Variants in SUGCT observed in about 807,000 individuals in gnomAD.
SUGCT encodes succinyl-CoA:glutarate CoA-transferase.
A neutral mutation model predicts 55.0 loss-of-function variants in SUGCT; 41 were observed. That is an observed-to-expected ratio of 0.74 (90% CI 0.58 to 0.97). SUGCT has a LOEUF of 0.97. Ranked by LOEUF, SUGCT falls within the 50% of genes least tolerant of loss-of-function variation. SUGCT has a pLI of 0.00. For missense variants in SUGCT, 568 were observed against 547.8 expected, an observed-to-expected ratio of 1.04 and a Z score of -0.37; for synonymous variants, 187 against 200.4, an observed-to-expected ratio of 0.93 and a Z score of 0.56.
chr7:40,763,327 A>G (rs1788630645), intron 13 of SUGCT, among the ~76,000 whole-genome samples: 1 of 152,186 alleles, frequency 6.6e-6, no homozygotes, highest in East Asian at 1.9e-4. Context: ...ACAGGTGAGC[A>G]AACTGAGCCT....
At chr7:40,677,358 C>T (rs1344935296) in intron 12 of SUGCT, among the ~76,000 whole-genome samples, 1 of 152,206 alleles carries the variant, frequency 6.6e-6, no homozygotes, top group Non-Finnish European at 1.5e-5. Flanking sequence ...TTTAATCACT[C>T]ACCAAAGTGG....
At chr7:40,880,200 T>A in the SUGCT span, among the ~76,000 whole-genome samples, 1 of 152,238 alleles carries the variant, frequency 6.6e-6, no homozygotes, top group Non-Finnish European at 1.5e-5. Context: ...ATTTATTCTT[T>A]TATGACCCAT....
chr7:40,362,465 T>G (rs555497386), intron 9 of SUGCT, among the ~76,000 whole-genome samples: 1 of 152,062 alleles, frequency 6.6e-6, no homozygotes, highest in African/African-American at 2.4e-5. Context: ...AACCAACCAA[T>G]CAATGTAATC....
At chr7:40,912,515 T>G in the SUGCT span, among the ~76,000 whole-genome samples, 1 of 152,152 alleles carries the variant, frequency 6.6e-6, no homozygotes, top group Non-Finnish European at 1.5e-5. Context: ...TCAGATAAAC[T>G]AAAATAAAAT....
At chr7:40,528,048 G>A (rs923588296) in intron 12 of SUGCT, among the ~76,000 whole-genome samples, 1 of 152,128 alleles carries the variant, frequency 6.6e-6, no homozygotes, top group African/African-American at 2.4e-5. Flanking sequence ...CTCTACTTAT[G>A]CATGGAGTGA....
chr7:40,612,023 T>TTA (rs1798789191), intron 12 of SUGCT, among the ~76,000 whole-genome samples: 1 of 151,924 alleles, frequency 6.6e-6, no homozygotes, highest in Non-Finnish European at 1.5e-5. Flanking sequence ...TTTTTTTTTT[T>TTA]ACAACAGATC....
chr7:40,718,509 A>G (rs1246981414), intron 12 of SUGCT, among the ~76,000 whole-genome samples: 1 of 152,252 alleles, frequency 6.6e-6, no homozygotes, highest in Non-Finnish European at 1.5e-5. Context: ...AATGTAATTC[A>G]AATAAAGTCA....
At chr7:40,625,704 T>G (rs1050345269) in intron 12 of SUGCT, among the ~76,000 whole-genome samples, 1 of 152,144 alleles carries the variant, frequency 6.6e-6, no homozygotes, top group Non-Finnish European at 1.5e-5. Flanking sequence ...AATAAATTTA[T>G]TAAGATGAAA....
chr7:40,396,743 T>A (rs189345504), intron 9 of SUGCT, among the ~76,000 whole-genome samples: 1 of 152,348 alleles, frequency 6.6e-6, no homozygotes, highest in African/African-American at 2.4e-5. Context: ...TTCAGGCACC[T>A]GTTGAAGAGA....
chr7:40,601,370 T>C (rs918574352), intron 12 of SUGCT, among the ~76,000 whole-genome samples: 1 of 152,232 alleles, frequency 6.6e-6, no homozygotes, highest in East Asian at 1.9e-4. Flanking sequence ...CCCTGTGGAC[T>C]GTAACCGTCA....
chr7:40,288,212 T>C (rs1793483473), intron 8 of SUGCT, among the ~76,000 whole-genome samples: 1 of 152,140 alleles, frequency 6.6e-6, no homozygotes, highest in Admixed American at 6.6e-5. Flanking sequence ...TATTCCCTCC[T>C]CTCCTTGCTT....
chr7:40,190,385 G>A (rs1042274665), intron 5 of SUGCT, among the ~76,000 whole-genome samples: 4 of 152,090 alleles, frequency 2.6e-5, no homozygotes, highest in African/African-American at 7.2e-5. Context: ...GAGTAGCTGG[G>A]ATTACAGGTG....
At chr7:40,497,659 T>C (rs1292805852) in intron 12 of SUGCT, among the ~76,000 whole-genome samples, 1 of 152,114 alleles carries the variant, frequency 6.6e-6, no homozygotes, top group Non-Finnish European at 1.5e-5. Context: ...TTTTCTCACT[T>C]TATAACTTTG....
chr7:40,935,275 C>T, the SUGCT span, among the ~76,000 whole-genome samples: 1 of 151,936 alleles, frequency 6.6e-6, no homozygotes, highest in Non-Finnish European at 1.5e-5. Flanking sequence ...TAAAAATCAC[C>T]CTTTGATAGT....
rs114392846 is a variant in SUGCT, at chr7:40,212,504, G to T, written c.484+17444G>T. 3.4e-3 allele frequency among the ~76,000 whole-genome samples: 519 copies of T among 152,020 alleles called. 2 individuals carry two copies. Among genetic ancestry groups the T allele is most frequent in the African/African-American group, 0.012 (494 of 41,488 alleles). The stretch of plus-strand genomic sequence containing the variant: ...GAAAAAATGATAAAACTATAAGGAG[G>T]AACATGTAAATTGATGATTATAGTT... On this transcript the variant is annotated intron_variant, in intron 6 of 13. Transcript: ENST00000335693.
At chr7:40,988,810 C>T in the SUGCT span, among the ~76,000 whole-genome samples, 12 of 152,042 alleles carry the variant, frequency 7.9e-5, no homozygotes, top group Admixed American at 7.9e-4. Flanking sequence ...GCTGAAATTC[C>T]TGTTTTGTGA....
At chr7:40,770,968 T>C (rs1789069397) in intron 13 of SUGCT, among the ~76,000 whole-genome samples, 2 of 152,196 alleles carry the variant, frequency 1.3e-5, no homozygotes, top group South Asian at 2.1e-4. Flanking sequence ...TATTAAAATG[T>C]ATTTATAGTG....
At chr7:40,422,626 C>T (rs965704737) in intron 9 of SUGCT, among the ~76,000 whole-genome samples, 3 of 152,034 alleles carry the variant, frequency 2.0e-5, no homozygotes, top group African/African-American at 7.2e-5. Flanking sequence ...TACAATGTAA[C>T]CTTTGGTGTT....
intron 11 of SUGCT, among the ~76,000 whole-genome samples, chr7:40,493,971 G>A (rs922868098): frequency 6.6e-6 from 1 of 152,116 alleles, no homozygotes; most frequent in African/African-American, 2.4e-5. Context: ...CCACACCCAC[G>A]CAAAGACGCA....
Sources: gnomAD v4.1 joint callset for allele counts (sites outside exome capture counted in the v4.1 genomes callset) on GRCh38, gnomAD v4.1.1 for gene constraint, MANE v1.5 for transcripts, NCBI Gene and HGNC (gene_info 2026-07-23, HGNC 2026-07-21) for gene names.